GRM1: variants seen among roughly 807,000 people sequenced by gnomAD.
The protein encoded by GRM1 is metabotropic glutamate receptor 1.
Under a neutral mutation model 90.9 loss-of-function variants are expected in GRM1, and 33 were observed. That is an observed-to-expected ratio of 0.36 (90% confidence interval 0.28 to 0.49). The LOEUF (loss-of-function observed/expected upper bound fraction) is 0.49, where lower values mean the gene tolerates loss of function less well. GRM1 is among the 20% of genes least tolerant of loss of function. The pLI is 0.99. For synonymous variants in GRM1, 700 were observed against 613.2 expected (o/e 1.14, Z -2.09); for missense variants, 1,190 against 1,534.3 (o/e 0.78, Z 3.75).
chr6:146,417,475 G>A (rs1341287330), intron 7 of GRM1, among the ~76,000 whole-genome samples: 1 of 152,170 alleles, frequency 6.6e-6, no homozygotes, highest in African/African-American at 2.4e-5. Context: ...ATGTGGCTAT[G>A]ATGTTCTTTA....
chr6:146,422,939 G>A (rs567749521), intron 7 of GRM1, among the ~76,000 whole-genome samples: 8 of 151,172 alleles, frequency 5.3e-5, no homozygotes, highest in Admixed American at 1.3e-4. Context: ...GAGGAGAGGA[G>A]AGGGAAATGG....
chr6:146,216,987 A>T (rs1779893654), intron 2 of GRM1, among the ~76,000 whole-genome samples: 2 of 152,142 alleles, frequency 1.3e-5, no homozygotes, highest in Non-Finnish European at 2.9e-5. Context: ...ATGAACAAAG[A>T]TTATTTATTG....
intron 2 of GRM1, among the ~76,000 whole-genome samples, chr6:146,260,537 A>C (rs899087838): frequency 2.0e-5 from 3 of 152,102 alleles, no homozygotes; most frequent in African/African-American, 4.8e-5. Context: ...TGCTGGGTTA[A>C]ATGGTATTTC....
chr6:146,201,528 A>T (rs536705856), intron 2 of GRM1, among the ~76,000 whole-genome samples: 1 of 152,304 alleles, frequency 6.6e-6, no homozygotes, highest in Non-Finnish European at 1.5e-5. Context: ...CATAGCAGAG[A>T]CAGAGATCAT....
chr6:146,262,461 A>G (rs1297827893), intron 2 of GRM1, among the ~76,000 whole-genome samples: 1 of 152,046 alleles, frequency 6.6e-6, no homozygotes. Context: ...CAATGAAAAT[A>G]TACATAAATA....
In GRM1 at chr6:146,169,929, G is replaced by C. The variant is rs545153153; in HGVS notation, c.950+10332G>C. Among the ~76,000 whole-genome samples the C allele has an allele frequency of 1.2e-3, 178 of 152,226 alleles. 1 individual carries two copies. The highest frequency in any genetic ancestry group is 2.2e-3 in the Non-Finnish European group (151 of 68,004). On this transcript the variant is annotated intron_variant, in intron 2 of 7. Transcript: ENST00000282753. ...TTGTCCTTTTTATATAGCTATCTTA[G>C]TGAGCATAAAATGATATCTCACGTG...
chr6:146,053,249 G>A (rs753909170), intron 1 of GRM1, among the ~76,000 whole-genome samples: 1 of 151,882 alleles, frequency 6.6e-6, no homozygotes, highest in Non-Finnish European at 1.5e-5. Flanking sequence ...AATACTTATT[G>A]AGAATTTAGA....
At chr6:146,363,401 A>G (rs957890752) in intron 5 of GRM1, among the ~76,000 whole-genome samples, 7 of 152,162 alleles carry the variant, frequency 4.6e-5, no homozygotes, top group African/African-American at 1.7e-4. Context: ...TTGCTTAGTT[A>G]ACCTAGCTTC....
At chr6:146,231,739 C>G (rs1468236895) in intron 2 of GRM1, among the ~76,000 whole-genome samples, 2 of 151,758 alleles carry the variant, frequency 1.3e-5, no homozygotes, top group Non-Finnish European at 2.9e-5. Flanking sequence ...GTTAAATTAG[C>G]CTTTTTAATT....
intron 1 of GRM1, 113 bp from the exon 2 acceptor site, chr6:146,159,235 T>C: frequency 7.9e-7 from 1 of 1,260,906 alleles, no homozygotes; most frequent in Non-Finnish European, 1.2e-6. Flanking sequence ...TATTTACAAA[T>C]TATTTGGCAA....
intron 5 of GRM1, among the ~76,000 whole-genome samples, chr6:146,360,743 G>T (rs934147966): frequency 1.3e-5 from 2 of 152,172 alleles, no homozygotes; most frequent in Non-Finnish European, 2.9e-5. Flanking sequence ...AAGTATCTTA[G>T]CTCAGGTTCC....
intron 1 of GRM1, among the ~76,000 whole-genome samples, chr6:146,072,443 C>A (rs1177935087): frequency 6.6e-6 from 1 of 152,058 alleles, no homozygotes; most frequent in Non-Finnish European, 1.5e-5. Context: ...TAAAGAAGAA[C>A]CAATGGATAA....
intron 2 of GRM1, among the ~76,000 whole-genome samples, chr6:146,165,980 C>A (rs1276847911): frequency 6.6e-6 from 1 of 152,004 alleles, no homozygotes; most frequent in African/African-American, 2.4e-5. Flanking sequence ...TCTTTACCTG[C>A]CTTTAGGGTA....
intron 1 of GRM1, among the ~76,000 whole-genome samples, chr6:146,036,055 G>A (rs1410034367): frequency 6.6e-6 from 1 of 151,932 alleles, no homozygotes; most frequent in Non-Finnish European, 1.5e-5. Context: ...TCTACCGTGT[G>A]GCTTGGCAGT....
At chr6:146,219,011 T>A (rs879739005) in intron 2 of GRM1, among the ~76,000 whole-genome samples, 15 of 152,206 alleles carry the variant, frequency 9.9e-5, no homozygotes, top group Non-Finnish European at 2.1e-4. Flanking sequence ...ATGTTATGTT[T>A]TAGAAATGAT....
chr6:146,162,672 C>A (rs1412278855), intron 2 of GRM1, among the ~76,000 whole-genome samples: 1 of 152,036 alleles, frequency 6.6e-6, no homozygotes, highest in East Asian at 1.9e-4. Flanking sequence ...TTACAAAGGC[C>A]TTCAAAGCTC....
chr6:146,345,890 C>T (rs1454517055), intron 3 of GRM1, among the ~76,000 whole-genome samples: 1 of 152,222 alleles, frequency 6.6e-6, no homozygotes, highest in Non-Finnish European at 1.5e-5. Flanking sequence ...CTGTGATTAC[C>T]TGCCAAATGC....
In GRM1 at chr6:146,425,713, T is replaced by C. The variant is rs187670410; in HGVS notation, c.2661-8159T>C. On this transcript the variant is annotated intron_variant, in intron 7 of 7. Transcript: ENST00000282753. ...GTGCTGATAGTTCACCCTAAGCATCTTGTACCTGAAATTCTTTTCTATGAC... is the reference window on the plus strand; with the variant it reads ...GTGCTGATAGTTCACCCTAAGCATCCTGTACCTGAAATTCTTTTCTATGAC... 7.4e-4 allele frequency among the ~76,000 whole-genome samples: 112 copies of C among 152,300 alleles called. 1 individual carries two copies. In the East Asian group the frequency reaches 0.015, roughly 21 times the overall value.
At chr6:146,154,202 T>C (rs1401477375) in intron 1 of GRM1, among the ~76,000 whole-genome samples, 1 of 152,194 alleles carries the variant, frequency 6.6e-6, no homozygotes, top group Non-Finnish European at 1.5e-5. Flanking sequence ...AGTCCAAGGG[T>C]GGGCACCCTG....
Sources: gnomAD v4.1 joint callset for allele counts (sites outside exome capture counted in the v4.1 genomes callset) on GRCh38, gnomAD v4.1.1 for gene constraint, MANE v1.5 for transcripts, NCBI Gene and HGNC (gene_info 2026-07-23, HGNC 2026-07-21) for gene names.